The following ENTPD1 variants were observed in gnomAD, a reference collection of about 807,000 sequenced individuals.
ENTPD1 encodes the protein ATP diphosphohydrolase.
In ENTPD1, 33 loss-of-function variants were observed where a neutral mutation model predicts 57.0. That is an observed-to-expected ratio of 0.58 (90% CI 0.44 to 0.77). ENTPD1 has a LOEUF of 0.77. ENTPD1 is among the 30% of genes least tolerant of loss of function. The probability of loss-of-function intolerance (pLI) is 0.00; values close to 1 mark genes in which losing one functional copy is unlikely to be tolerated. For synonymous variants in ENTPD1, 202 were observed against 218.8 expected (o/e 0.92, Z 0.68); for missense variants, 501 against 603.4 (o/e 0.83, Z 1.78).
intron 1 of ENTPD1, among the ~76,000 whole-genome samples, chr10:95,743,027 A>G (rs1182899571): frequency 6.6e-6 from 1 of 152,180 alleles, no homozygotes; most frequent in Non-Finnish European, 1.5e-5. Context: ...TAAAGTCCAT[A>G]CTTTATTCAG....
chr10:95,871,658 C>CT lies in ENTPD1; in HGVS notation c.*5279dup. The CT allele has an allele frequency of 3.0e-6, 3 of 985,326 alleles. No individual in the cohort carries two copies. The highest frequency in any genetic ancestry group is 3.6e-6 in the Non-Finnish European group (3 of 829,854). 61.0% of individuals were successfully genotyped at this position (985,326 alleles called of 1,614,324 possible). ...TCATTTGAAGTGAAGATTGCTATGT[C>CT]TTTTGCATTGCTCTATTTTACATAA... is the stretch of plus-strand genomic sequence containing the variant. On this transcript the variant is annotated 3_prime_UTR_variant, in exon 10 of 10. Coordinates refer to ENST00000371205, the MANE Select transcript of ENTPD1 (RefSeq NM_001776.6).
At chr10:95,804,767 G>A (rs2098265257) in intron 1 of ENTPD1, among the ~76,000 whole-genome samples, 1 of 152,184 alleles carries the variant, frequency 6.6e-6, no homozygotes, top group South Asian at 2.1e-4. Context: ...AGTTTTCAAA[G>A]GGAATGCTTC....
rs1482155378 is a variant in ENTPD1, at chr10:95,866,543, G to T, written c.*160G>T. ...TTTTACTGAAGCCTTTCTTTTGGAGGTATTCAATATCCTTTGCCTCAAGGA... is the reference window on the plus strand; with the variant it reads ...TTTTACTGAAGCCTTTCTTTTGGAGTTATTCAATATCCTTTGCCTCAAGGA... On this transcript the variant is annotated 3_prime_UTR_variant, in exon 10 of 10. Coordinates refer to ENST00000371205, the MANE Select transcript of ENTPD1 (RefSeq NM_001776.6). 2.7e-6 allele frequency: 4 copies of T among 1,506,530 alleles called. No individual in the cohort carries two copies. The highest frequency in any genetic ancestry group is 1.4e-5 in the African/African-American group (1 of 71,766). The allele number at this position is 1,506,530 out of a possible 1,614,324, so 93.3% of individuals were successfully genotyped here.
At chr10:95,806,868 C>G (rs1410618063) in intron 1 of ENTPD1, among the ~76,000 whole-genome samples, 1 of 151,670 alleles carries the variant, frequency 6.6e-6, no homozygotes, top group Non-Finnish European at 1.5e-5. Context: ...CTGCCTGATC[C>G]TTCCTCTGGA....
chr10:95,695,129 C>A, the ENTPD1 span, among the ~76,000 whole-genome samples: 2 of 152,110 alleles, frequency 1.3e-5, no homozygotes, highest in Non-Finnish European at 2.9e-5. Context: ...GTCTCGAATT[C>A]CTGACCTCAA....
intron 1 of ENTPD1, among the ~76,000 whole-genome samples, chr10:95,744,010 A>G (rs911060590): frequency 4.6e-4 from 49 of 107,304 alleles, no homozygotes; most frequent in Non-Finnish European, 7.4e-4. Context: ...ATATATATAT[A>G]TATATATATA....
intron 1 of ENTPD1, among the ~76,000 whole-genome samples, chr10:95,739,461 A>G (rs2097997958): frequency 6.6e-6 from 1 of 152,212 alleles, no homozygotes; most frequent in African/African-American, 2.4e-5. Context: ...CATCTTCCCC[A>G]GGAATAGATT....
intron 1 of ENTPD1, among the ~76,000 whole-genome samples, chr10:95,800,379 T>C (rs1444650187): frequency 6.6e-6 from 1 of 151,992 alleles, no homozygotes; most frequent in Non-Finnish European, 1.5e-5. Flanking sequence ...GCAATAAAGG[T>C]CACAAGGCAA....
At chr10:95,737,145 A>G (rs2097995462) in intron 1 of ENTPD1, among the ~76,000 whole-genome samples, 1 of 152,170 alleles carries the variant, frequency 6.6e-6, no homozygotes. Context: ...TTTTCCTACT[A>G]TGTGCAGGCT....
At chr10:95,772,929 A>G (rs552902042) in intron 1 of ENTPD1, among the ~76,000 whole-genome samples, 17 of 152,322 alleles carry the variant, frequency 1.1e-4, no homozygotes, top group African/African-American at 2.9e-4. Context: ...ATTTATAAAG[A>G]AAGAAAGTTT....
rs2098431976 is a variant in ENTPD1 at position 95,845,107 on chromosome 10, AT to A, written c.574-249del. 1.3e-5 allele frequency among the ~76,000 whole-genome samples: 2 copies of A among 152,164 alleles called. 1 individual carries two copies. The highest frequency in any genetic ancestry group is 2.9e-5 in the Non-Finnish European group (2 of 68,036). On this transcript the variant is annotated intron_variant, in intron 5 of 9. Transcript: ENST00000371205. ...CGACTGAGTGAGAATTTGAACTTGAATGTGTCTGGCCTCAGACCTCTTGTTT... is the reference window on the plus strand; with the variant it reads ...CGACTGAGTGAGAATTTGAACTTGAAGTGTCTGGCCTCAGACCTCTTGTTT...
intron 2 of ENTPD1, among the ~76,000 whole-genome samples, chr10:95,832,294 CA>C (rs2140688383): frequency 6.6e-6 from 1 of 152,266 alleles, no homozygotes; most frequent in South Asian, 2.1e-4. Context: ...CTCCAGAGTG[CA>C]GGGCCTCAGA....
At chr10:95,698,909 T>C in the ENTPD1 span, among the ~76,000 whole-genome samples, 25 of 152,322 alleles carry the variant, frequency 1.6e-4, no homozygotes, top group Middle Eastern at 3.4e-3. Flanking sequence ...CGCCTGTGCA[T>C]AGGCTAACAG....
chr10:95,777,409 G>A (rs1008136931), intron 1 of ENTPD1, among the ~76,000 whole-genome samples: 1 of 152,182 alleles, frequency 6.6e-6, no homozygotes, highest in Non-Finnish European at 1.5e-5. Context: ...CAGGTCTGTT[G>A]GAGTTTGCTG....
intron 1 of ENTPD1, among the ~76,000 whole-genome samples, chr10:95,765,079 T>G (rs2098083374): frequency 6.6e-6 from 1 of 152,200 alleles, no homozygotes; most frequent in South Asian, 2.1e-4. Context: ...AATGATTCCT[T>G]ATATATTCCC....
intron 2 of ENTPD1, among the ~76,000 whole-genome samples, chr10:95,837,583 A>T (rs150825439): frequency 6.6e-6 from 1 of 152,288 alleles, no homozygotes; most frequent in African/African-American, 2.4e-5. Flanking sequence ...ACTGGAGGGA[A>T]TCCCCACTGT....
chr10:95,848,287 G>T (rs912515336), intron 7 of ENTPD1, among the ~76,000 whole-genome samples: 1 of 152,146 alleles, frequency 6.6e-6, no homozygotes, highest in Non-Finnish European at 1.5e-5. Flanking sequence ...ACAAAGACAG[G>T]TTTCCTGCTA....
intron 7 of ENTPD1, among the ~76,000 whole-genome samples, chr10:95,856,495 A>G (rs904688650): frequency 2.0e-5 from 3 of 152,156 alleles, no homozygotes; most frequent in African/African-American, 7.2e-5. Context: ...ACTACTGGAT[A>G]TCTACCCAGA....
intron 7 of ENTPD1, among the ~76,000 whole-genome samples, chr10:95,858,747 G>A (rs1312288806): frequency 6.6e-6 from 1 of 152,196 alleles, no homozygotes; most frequent in East Asian, 1.9e-4. Context: ...CCAGTTCAGA[G>A]GCTAAATGTA....
Sources: allele counts gnomAD v4.1 joint callset (sites outside exome capture counted in the v4.1 genomes callset), GRCh38; gene constraint gnomAD v4.1.1; transcripts MANE v1.5; gene names NCBI Gene and HGNC (gene_info 2026-07-23, HGNC 2026-07-21).